Variants in TMEM62 observed in about 807,000 individuals in gnomAD.
TMEM62 encodes the protein transmembrane protein 62.
In TMEM62, 41 loss-of-function variants were observed where a neutral mutation model predicts 70.4. That is an observed-to-expected ratio of 0.58 (90% confidence interval 0.45 to 0.76). The LOEUF (loss-of-function observed/expected upper bound fraction) is 0.76, where lower values mean the gene tolerates loss of function less well. Ranked by LOEUF, TMEM62 falls within the 30% of genes least tolerant of loss-of-function variation. The pLI is 0.00. For synonymous variants in TMEM62, 268 were observed against 291.0 expected (o/e 0.92, Z 0.80); for missense variants, 688 against 788.5 (o/e 0.87, Z 1.53).
intron 2 of TMEM62, among the ~76,000 whole-genome samples, chr15:43,135,120 C>T (rs1210270159): frequency 6.6e-6 from 1 of 152,232 alleles, no homozygotes; most frequent in Non-Finnish European, 1.5e-5. Flanking sequence ...GGTCAAATCA[C>T]ATATTCTGAT....
intron 10 of TMEM62, among the ~76,000 whole-genome samples, chr15:43,167,450 G>A (rs2039627260): frequency 6.6e-6 from 1 of 151,856 alleles, no homozygotes; most frequent in African/African-American, 2.4e-5. Flanking sequence ...TCTCAGACGG[G>A]GCGGCCCGGC....
At chr15:43,182,923 T>C (rs2041492631) in intron 13 of TMEM62, among the ~76,000 whole-genome samples, 1 of 152,242 alleles carries the variant, frequency 6.6e-6, no homozygotes, top group Non-Finnish European at 1.5e-5. Context: ...TCCAGACCCA[T>C]GAATCCCAAA....
rs771127366 is a variant in TMEM62, at chr15:43,184,625, G to T, written c.*39G>T. The T allele has an allele frequency of 1.6e-5, 25 of 1,580,888 alleles. No homozygotes were observed. The highest frequency in any genetic ancestry group is 2.1e-5 in the Non-Finnish European group (24 of 1,163,188). On this transcript the variant is annotated 3_prime_UTR_variant, in exon 14 of 14. Transcript: ENST00000260403. ...CCACTGGCAGCTGGGCAGAAGCCCA[G>T]CCTCTGTGTCTGTAGCCCAGGCCTC...
chr15:43,152,833 A>G (rs983111750), intron 8 of TMEM62, among the ~76,000 whole-genome samples: 2 of 152,248 alleles, frequency 1.3e-5, no homozygotes, highest in African/African-American at 4.8e-5. Context: ...GTAATACAAT[A>G]GAACAACCTT....
At position 43,135,662 on chromosome 15, in the gene TMEM62, A is replaced by G; in HGVS notation, c.430+13A>G. 1 of 1,573,288 alleles carries G rather than the reference A, an allele frequency of 6.4e-7. No homozygotes were observed. The highest frequency in any genetic ancestry group is 8.6e-7 in the Non-Finnish European group (1 of 1,168,404). On this transcript the variant is annotated intron_variant, in intron 3 of 13. Transcript: ENST00000260403. ...AAAGGAAATCATGGTAAGAGCCAAG[A>G]GCCAGATACAATAAAGACAAGAGTT...
Position 43,154,654 on chromosome 15 carries a change from T to G in TMEM62, c.1023-18T>G. The G allele has an allele frequency of 6.3e-7, 1 of 1,591,522 alleles. No homozygotes were observed. The highest frequency in any genetic ancestry group is 8.5e-7 in the Non-Finnish European group (1 of 1,172,428). ...GACAAACCTCAAACCATGTGTTTTA[T>G]ATATGCTCTCATTTTAGAGTCTTGG... On this transcript the variant is annotated intron_variant, in intron 8 of 13. Transcript: ENST00000260403.
At chr15:43,169,766 C>A in intron 11 of TMEM62, 89 bp downstream of exon 11, 1 of 1,098,338 alleles carries the variant, frequency 9.1e-7, no homozygotes, top group Non-Finnish European at 1.3e-6. Flanking sequence ...TATTCTAAGC[C>A]AATATGAATG....
Position 43,167,309 on chromosome 15 carries a change from C to T in TMEM62, c.1297-2284C>T, listed in dbSNP as rs912690079. ...GGACGGGGTGGCTGCCGGGCGGAGA[C>T]GCTCCTCACTTCCCAGACGGGGTGG... On this transcript the variant is annotated intron_variant, in intron 10 of 13. Coordinates refer to ENST00000260403, the MANE Select transcript of TMEM62 (RefSeq NM_024956.4). 6.0e-5 allele frequency among the ~76,000 whole-genome samples: 9 copies of T among 149,976 alleles called. No individual in the cohort carries two copies. In the East Asian group the frequency reaches 1.2e-3, roughly 20 times the overall value.
At chr15:43,145,405 C>T (rs2036549857) in intron 4 of TMEM62, among the ~76,000 whole-genome samples, 1 of 151,940 alleles carries the variant, frequency 6.6e-6, no homozygotes, top group Non-Finnish European at 1.5e-5. Flanking sequence ...TGGGGTTTCA[C>T]CATGTTAGCC....
At chr15:43,165,207 G>T (rs2039241776) in intron 10 of TMEM62, among the ~76,000 whole-genome samples, 1 of 150,546 alleles carries the variant, frequency 6.6e-6, no homozygotes, top group African/African-American at 2.4e-5. Flanking sequence ...GATTTGTCCT[G>T]TTGAGGCTGT....
At chr15:43,180,944 C>A (rs1206122964) in intron 12 of TMEM62, 1 of 365,244 alleles carries the variant, frequency 2.7e-6, no homozygotes. Context: ...CTATAAGACA[C>A]ATATCTGTTC....
intron 11 of TMEM62, 44 bp from the exon 12 acceptor site, chr15:43,178,563 A>G: frequency 1.6e-6 from 2 of 1,234,892 alleles, no homozygotes; most frequent in Non-Finnish European, 2.4e-6. Flanking sequence ...AAGAAACTGA[A>G]CTTTGCATGT....
chr15:43,149,322 G>T (rs2037075312), intron 7 of TMEM62, among the ~76,000 whole-genome samples, 171 bp downstream of exon 7: 2 of 152,062 alleles, frequency 1.3e-5, no homozygotes, highest in Admixed American at 6.6e-5. Flanking sequence ...CGGAAACCTT[G>T]TCATAGCAGG....
intron 3 of TMEM62, among the ~76,000 whole-genome samples, chr15:43,136,518 C>T (rs527711933): frequency 6.6e-6 from 1 of 152,232 alleles, no homozygotes. Flanking sequence ...AATCTCAGCT[C>T]ACTGCAACCT....
chr15:43,135,649 G>C lies in TMEM62; in HGVS notation c.430G>C (p.Asp144His). ...GTGGCTGGATATCAAAGGAAATCAT[G>C]GTAAGAGCCAAGAGCCAGATACAAT... is the stretch of plus-strand genomic sequence containing the variant. ...TKWLDIKGNH[D>H]AFNIPSLDSI... Residue 144 changes from aspartate (D) to histidine (H), a missense_variant and splice_region_variant, in exon 3 of 14, where the codon GAT becomes CAT. Coordinates refer to ENST00000260403, the MANE Select transcript of TMEM62 (RefSeq NM_024956.4). 6.3e-7 allele frequency: 1 copy of C among 1,590,274 alleles called. No homozygotes were observed.
intron 13 of TMEM62, 34 bp downstream of exon 13, chr15:43,181,333 T>G (rs2041309571): frequency 1.4e-6 from 2 of 1,389,688 alleles, no homozygotes; most frequent in East Asian, 2.3e-5. Flanking sequence ...AAGAACATCT[T>G]GGACTTGTCA....
chr15:43,162,597 A>C (rs1373355130), intron 10 of TMEM62, among the ~76,000 whole-genome samples: 3 of 149,646 alleles, frequency 2.0e-5, no homozygotes, highest in Non-Finnish European at 4.4e-5. Flanking sequence ...ATGCCCGGCT[A>C]ATTTTTGTAT....
chr15:43,169,502 A>T, intron 10 of TMEM62, 91 bp from the exon 11 acceptor site: 1 of 1,114,652 alleles, frequency 9.0e-7, no homozygotes, highest in East Asian at 2.4e-5. Context: ...CACAGATGCC[A>T]TTTCCATTTT....
In TMEM62 at chr15:43,180,248, G is replaced by A. The variant is rs140344827; in HGVS notation, c.1487-933G>A. Among the ~76,000 whole-genome samples the A allele has an allele frequency of 1.3e-4, 20 of 152,020 alleles. No homozygotes were observed. In the East Asian group the frequency reaches 3.1e-3, roughly 24 times the overall value. On this transcript the variant is annotated intron_variant, in intron 12 of 13. Coordinates refer to ENST00000260403, the MANE Select transcript of TMEM62 (RefSeq NM_024956.4). ...AACAATTCTCCTACCTCAGCCTCCC[G>A]ACTAGCTGGCATTACAGGCATGTGC...
Sources: allele counts gnomAD v4.1 joint callset (sites outside exome capture counted in the v4.1 genomes callset), GRCh38; gene constraint gnomAD v4.1.1; transcripts MANE v1.5; gene names NCBI Gene and HGNC (gene_info 2026-07-23, HGNC 2026-07-21).